DNAAF10: variants seen among roughly 807,000 people sequenced by gnomAD.
DNAAF10 encodes dynein axonemal assembly factor 10, also known as WD repeat domain 92.
Under a neutral mutation model 43.7 loss-of-function variants are expected in DNAAF10, and 28 were observed. The observed-to-expected ratio is 0.64, with a 90% CI of 0.48 to 0.88. The LOEUF (loss-of-function observed/expected upper bound fraction) is 0.88, where lower values mean the gene tolerates loss of function less well. Among genes scored for constraint, DNAAF10 ranks in the 40% least tolerant of loss-of-function variants. The pLI, the probability that DNAAF10 is intolerant of heterozygous loss-of-function variation, is 0.00. For synonymous variants in DNAAF10, 156 were observed against 157.3 expected, an observed-to-expected ratio of 0.99 and a Z score of 0.06; for missense variants, 403 against 439.1, an observed-to-expected ratio of 0.92 and a Z score of 0.73.
intron 7 of DNAAF10, among the ~76,000 whole-genome samples, chr2:68,133,714 T>C (rs1211055819): frequency 1.3e-5 from 2 of 152,134 alleles, no homozygotes; most frequent in African/African-American, 4.8e-5. Context: ...ATCATGCCAC[T>C]GCACTCCAGC....
At chr2:68,134,173 T>G (rs1400629152) in intron 7 of DNAAF10, 1 of 985,578 alleles carries the variant, frequency 1.0e-6, no homozygotes, top group African/African-American at 1.7e-5. Flanking sequence ...TCAGACCTTT[T>G]AAATGATCTA....
At chr2:68,148,318 CAACATTT>C (rs1673372710) in intron 1 of DNAAF10, among the ~76,000 whole-genome samples, 1 of 152,104 alleles carries the variant, frequency 6.6e-6, no homozygotes, top group Admixed American at 6.5e-5. Context: ...ATACAACATT[CAACATTT>C]AATGGTTTCT....
intron 6 of DNAAF10, among the ~76,000 whole-genome samples, chr2:68,135,106 A>ACGT (rs1673009696): frequency 6.6e-6 from 1 of 152,200 alleles, no homozygotes; most frequent in Non-Finnish European, 1.5e-5. Context: ...TTACATATTT[A>ACGT]AATACCTCTA....
intron 4 of DNAAF10, 54 bp from the exon 5 acceptor site, chr2:68,138,911 C>A: frequency 6.1e-6 from 8 of 1,308,098 alleles, no homozygotes; most frequent in Non-Finnish European, 8.7e-6. Flanking sequence ...CTTATAAAGG[C>A]TGCTTTAAAA....
chr2:68,141,816 T>G (rs564989891), intron 3 of DNAAF10, 21 bp from the exon 4 acceptor site: 18 of 1,599,728 alleles, frequency 1.1e-5, no homozygotes, highest in Middle Eastern at 3.3e-4. Flanking sequence ...TAAAAGTGAG[T>G]TGGCAAAAAT....
intron 3 of DNAAF10, among the ~76,000 whole-genome samples, chr2:68,144,014 G>A (rs1421494821): frequency 6.6e-6 from 1 of 152,080 alleles, no homozygotes; most frequent in African/African-American, 2.4e-5. Flanking sequence ...AATTTCTCAT[G>A]TACCCCTCGT....
Position 68,144,599 on chromosome 2 carries a change from G to C in DNAAF10, c.401C>G (p.Thr134Ser). The C allele has an allele frequency of 6.2e-7, 1 of 1,613,650 alleles. No individual in the cohort carries two copies. The highest frequency in any genetic ancestry group is 8.5e-7 in the Non-Finnish European group (1 of 1,179,914). The change falls in exon 3 of 8, where the codon ACT becomes AGT. Residue 134 changes from threonine (T) to serine (S), a missense_variant. Thr to Ser is a moderately conservative substitution (Grantham distance 58). Transcript: ENST00000295121. ...CAGGGACTCACCATCTCGGCTGCCAGTCACAATTTCAGGTGCTCCTTCTCC... is the reference window on the plus strand; with the variant it reads ...CAGGGACTCACCATCTCGGCTGCCACTCACAATTTCAGGTGCTCCTTCTCC... Reference protein sequence around the residue: ...GIGEGAPEIVTGSRDGTVKVW... With the variant: ...GIGEGAPEIVSGSRDGTVKVW...
In DNAAF10 at chr2:68,137,262, ATTC is replaced by A. The variant is rs778024378; in HGVS notation, c.768+34_768+36del. ...ACTTATCAGTCTAAACCAAGCTATC[ATTC>A]TTCTTCATAGAAAGACATTTCCCTC... is the stretch of plus-strand genomic sequence containing the variant. On this transcript the variant is annotated intron_variant, in intron 6 of 7. Coordinates refer to ENST00000295121, the MANE Select transcript of DNAAF10 (RefSeq NM_138458.4). 8 of 1,591,274 alleles carry A rather than the reference ATTC, an allele frequency of 5.0e-6. No individual in the cohort carries two copies. The East Asian group carries it at 1.1e-4, about 22-fold the overall frequency.
At chr2:68,142,588 TA>T (rs1451337345) in intron 3 of DNAAF10, among the ~76,000 whole-genome samples, 2 of 152,224 alleles carry the variant, frequency 1.3e-5, no homozygotes, top group Admixed American at 6.5e-5. Flanking sequence ...CAGTTAAGTT[TA>T]ATTTTCCTGT....
chr2:68,137,406 C>T lies in DNAAF10; in HGVS notation c.661G>A (p.Asp221Asn). The change falls in exon 6 of 8, where the codon GAC becomes AAC. Residue 221 changes from aspartate to asparagine, a missense_variant. Asp to Asn is a conservative substitution (Grantham distance 23, BLOSUM62 1). Transcript: ENST00000295121. ...GCTACTAACTTATTCATACTTATGTCTTTTCTGTCAAACTCCAAGCTACAC... is the reference window on the plus strand; with the variant it reads ...GCTACTAACTTATTCATACTTATGTTTTTTCTGTCAAACTCCAAGCTACAC... ...GVCSLEFDRK[D>N]ISMNKLVATS... 1.2e-6 allele frequency: 2 copies of T among 1,612,490 alleles called. No individual in the cohort carries two copies. The highest frequency in any genetic ancestry group is 1.7e-6 in the Non-Finnish European group (2 of 1,179,300).
At chr2:68,133,347 A>G (rs962252639) in intron 7 of DNAAF10, among the ~76,000 whole-genome samples, 4 of 151,980 alleles carry the variant, frequency 2.6e-5, no homozygotes, top group Admixed American at 6.6e-5. Context: ...GATTCAGGCA[A>G]TTCTCGTGCC....
At position 68,134,309 on chromosome 2, in the gene DNAAF10, A is replaced by G. The variant is rs915946534; in HGVS notation, c.866+393T>C. ...GTGATAAGATCTTTCCTGGAGACCA[A>G]TCAGCAGCCTCAGGCTCTGTTGGGG... On this transcript the variant is annotated intron_variant, in intron 7 of 7. Transcript: ENST00000295121. 19 of 1,017,582 alleles carry G rather than the reference A, an allele frequency of 1.9e-5. No homozygotes were observed. The African/African-American group carries it at 3.0e-4, about 16-fold the overall frequency. The allele number at this position is 1,017,582 out of a possible 1,614,324, so 63.0% of individuals were successfully genotyped here.
intron 3 of DNAAF10, among the ~76,000 whole-genome samples, chr2:68,142,900 AT>A (rs1673223627): frequency 6.6e-6 from 1 of 152,112 alleles, no homozygotes; most frequent in South Asian, 2.1e-4. Flanking sequence ...ATATTTATTT[AT>A]TTAGAGACAG....
chr2:68,149,445 T>C (rs2103631176), intron 1 of DNAAF10, among the ~76,000 whole-genome samples: 1 of 152,322 alleles, frequency 6.6e-6, no homozygotes, highest in Admixed American at 6.5e-5. Context: ...AATGTTTCTC[T>C]TTTTAATGCA....
At chr2:68,146,831 A>T (rs2103626088) in intron 2 of DNAAF10, among the ~76,000 whole-genome samples, 2 of 152,284 alleles carry the variant, frequency 1.3e-5, no homozygotes, top group South Asian at 4.1e-4. Context: ...TTTCTCCATA[A>T]TATTTTAGAA....
In DNAAF10 at chr2:68,144,626, A is replaced by T; in HGVS notation, c.374T>A (p.Ile125Asn). The change falls in exon 3 of 8, where the codon ATT (isoleucine) becomes AAT (asparagine). Residue 125 changes from isoleucine (I) to asparagine (N), a missense_variant. Coordinates refer to ENST00000295121, the MANE Select transcript of DNAAF10 (RefSeq NM_138458.4). The stretch of plus-strand genomic sequence containing the variant: ...CACAATTTCAGGTGCTCCTTCTCCA[A>T]TTCCTAGTCCACCTATGCCATCTAT... ...NAIDGIGGLG[I>N]GEGAPEIVTG... 1 of 1,614,072 alleles carries T rather than the reference A, an allele frequency of 6.2e-7. No individual in the cohort carries two copies. The highest frequency in any genetic ancestry group is 1.1e-5 in the South Asian group (1 of 91,076).
intron 2 of DNAAF10, 101 bp downstream of exon 2, chr2:68,147,362 TAGAA>T (rs1372232892): frequency 1.2e-5 from 10 of 810,724 alleles, no homozygotes; most frequent in East Asian, 8.2e-5. Flanking sequence ...AAATGGAACA[TAGAA>T]AGATTTTAAA....
Position 68,147,505 on chromosome 2 carries a change from A to G in DNAAF10, c.246T>C (p.Tyr82=), listed in dbSNP as rs1673347142. ...TFGATSLQQR[Y]LATGDFGGNL... ...TTCCACCAAAATCTCCAGTAGCTAA[A>G]TATCTCTGCTGTAAAGATGTTGCAC... The change falls in exon 2 of 8, where the codon TAT becomes TAC. Residue 82 remains tyrosine (Y), a synonymous_variant. Coordinates refer to ENST00000295121, the MANE Select transcript of DNAAF10 (RefSeq NM_138458.4). The G allele has an allele frequency of 1.9e-6, 3 of 1,611,982 alleles. No individual in the cohort carries two copies. The highest frequency in any genetic ancestry group is 3.4e-5 in the Admixed American group (2 of 59,674).
At chr2:68,154,717 T>G (rs111314570) in intron 1 of DNAAF10, among the ~76,000 whole-genome samples, 51 of 152,370 alleles carry the variant, frequency 3.3e-4, no homozygotes, top group African/African-American at 1.2e-3. Context: ...GACAAACTAC[T>G]CTATTCCACT....
Sources: gnomAD v4.1 joint callset for allele counts (sites outside exome capture counted in the v4.1 genomes callset) on GRCh38, gnomAD v4.1.1 for gene constraint, MANE v1.5 for transcripts, NCBI Gene and HGNC (gene_info 2026-07-23, HGNC 2026-07-21) for gene names.